Variants in PRPF18 observed in about 807,000 individuals in gnomAD.
PRPF18 encodes pre-mRNA-splicing factor 18.
A neutral mutation model predicts 46.5 loss-of-function variants in PRPF18; 38 were observed. That is an observed-to-expected ratio of 0.82 (90% CI 0.63 to 1.07). The LOEUF (loss-of-function observed/expected upper bound fraction) is 1.07, where lower values mean the gene tolerates loss of function less well. Ranked by LOEUF, PRPF18 falls within the 50% of genes least tolerant of loss-of-function variation. PRPF18 has a pLI of 0.00. For synonymous variants in PRPF18, 152 were observed against 146.7 expected (o/e 1.04, Z -0.26); for missense variants, 263 against 410.0 (o/e 0.64, Z 3.10).
At chr10:13,628,202 C>A (rs538709699) in intron 9 of PRPF18, among the ~76,000 whole-genome samples, 2 of 152,290 alleles carry the variant, frequency 1.3e-5, no homozygotes, top group South Asian at 4.2e-4. Context: ...AGATAACCTC[C>A]CTCCACACCC....
the PRPF18 span, chr10:13,653,112 A>G: frequency 6.6e-6 from 1 of 151,860 alleles, no homozygotes; most frequent in African/African-American, 2.4e-5. Context: ...GTGTGTTAGA[A>G]GCTGCTCGCA....
intron 9 of PRPF18, among the ~76,000 whole-genome samples, chr10:13,624,075 C>G (rs537493025): frequency 6.6e-6 from 1 of 152,318 alleles, no homozygotes; most frequent in Non-Finnish European, 1.5e-5. Flanking sequence ...ACTTCCACCC[C>G]CCAGGTTCAA....
chr10:13,644,575 C>A, the PRPF18 span: 1 of 152,202 alleles, frequency 6.6e-6, no homozygotes, highest in African/African-American at 2.4e-5. Flanking sequence ...TTTTGCCTCT[C>A]ATTCCTTGCA....
chr10:13,616,517 T>C lies in PRPF18; in HGVS notation c.912T>C (p.His304=). 1.2e-6 allele frequency: 2 copies of C among 1,614,148 alleles called. No individual in the cohort carries two copies. Among genetic ancestry groups the C allele is most frequent in the Non-Finnish European group, 8.5e-7 (1 of 1,180,002 alleles). The change falls in exon 9 of 10, where the codon CAT becomes CAC. Residue 304 remains histidine, a synonymous_variant. Coordinates refer to ENST00000378572, the MANE Select transcript of PRPF18 (RefSeq NM_003675.4). ...REKIFSKHVA[H]VLNDETQRKY... is the part of the protein sequence containing the mutation. The stretch of plus-strand genomic sequence containing the variant: ...AGATTTTTTCCAAGCATGTTGCACA[T>C]GTTTTAAATGACGAAACTCAGCGGA...
the PRPF18 span, chr10:13,643,164 T>A: frequency 6.6e-6 from 1 of 152,224 alleles, no homozygotes. Context: ...GGGTTTGAGC[T>A]GCAGTGTGAG....
At chr10:13,620,128 G>A (rs1297419547) in intron 9 of PRPF18, among the ~76,000 whole-genome samples, 1 of 152,140 alleles carries the variant, frequency 6.6e-6, no homozygotes, top group African/African-American at 2.4e-5. Flanking sequence ...TTTATTATGT[G>A]AAGTTTAAGT....
chr10:13,647,679 T>G, the PRPF18 span: 2 of 151,746 alleles, frequency 1.3e-5, no homozygotes, highest in Non-Finnish European at 2.9e-5. Context: ...TGTTTTGTGA[T>G]TATAAAAGTG....
At chr10:13,590,147 G>A (rs2079936627) in intron 1 of PRPF18, among the ~76,000 whole-genome samples, 1 of 151,142 alleles carries the variant, frequency 6.6e-6, no homozygotes, top group Non-Finnish European at 1.5e-5. Context: ...GATTCTTCAG[G>A]GTCATTTATA....
At chr10:13,621,286 C>A (rs1371881735) in intron 9 of PRPF18, among the ~76,000 whole-genome samples, 1 of 152,156 alleles carries the variant, frequency 6.6e-6, no homozygotes, top group Admixed American at 6.5e-5. Context: ...TGATAGGCAC[C>A]CTTGCCCTGT....
At chr10:13,626,005 A>C (rs1181571067) in intron 9 of PRPF18, among the ~76,000 whole-genome samples, 1 of 152,218 alleles carries the variant, frequency 6.6e-6, no homozygotes, top group African/African-American at 2.4e-5. Context: ...TATGAGATGG[A>C]CACTCACATT....
chr10:13,601,298 C>T (rs1488265479), intron 3 of PRPF18, among the ~76,000 whole-genome samples: 7 of 152,020 alleles, frequency 4.6e-5, no homozygotes, highest in Non-Finnish European at 8.8e-5. Flanking sequence ...AGGTATTAGC[C>T]ATGTTGTGCC....
intron 2 of PRPF18, among the ~76,000 whole-genome samples, chr10:13,599,656 T>G (rs554932209): frequency 6.6e-6 from 1 of 152,366 alleles, no homozygotes; most frequent in African/African-American, 2.4e-5. Context: ...GCTTTTTTCC[T>G]TGTGTTTCTG....
the PRPF18 span, chr10:13,645,339 G>C: frequency 2.1e-5 from 3 of 142,250 alleles, no homozygotes; most frequent in Non-Finnish European, 4.5e-5. Flanking sequence ...GAAGTCATTA[G>C]AGTGAGAAAA....
At chr10:13,597,601 A>C in intron 2 of PRPF18, 66 bp downstream of exon 2, 1 of 1,601,206 alleles carries the variant, frequency 6.2e-7, no homozygotes, top group Non-Finnish European at 8.5e-7. Context: ...GCTGTTGTTA[A>C]ATGACAATCA....
the PRPF18 span, chr10:13,637,858 G>T: frequency 1.3e-5 from 2 of 152,182 alleles, no homozygotes; most frequent in Non-Finnish European, 2.9e-5. Context: ...GTTAACTGTT[G>T]TATTGGATTA....
Position 13,587,020 on chromosome 10 carries a change from G to A in PRPF18, c.-67G>A. The A allele has an allele frequency of 1.3e-6, 2 of 1,535,568 alleles. No homozygotes were observed. The highest frequency in any genetic ancestry group is 2.2e-5 in the South Asian group (2 of 89,516). On this transcript the variant is annotated 5_prime_UTR_variant, in exon 1 of 10. Coordinates refer to ENST00000378572, the MANE Select transcript of PRPF18 (RefSeq NM_003675.4). ...CCGTATACTCAGTGGGTTCGCGGCCGCCGGCCCAGTGAGGCTGGGTTCGAG... is the reference window on the plus strand; with the variant it reads ...CCGTATACTCAGTGGGTTCGCGGCCACCGGCCCAGTGAGGCTGGGTTCGAG...
the PRPF18 span, chr10:13,652,352 AC>A: frequency 4.2e-6 from 1 of 238,350 alleles, no homozygotes. Flanking sequence ...GAGGGCTTGT[AC>A]ATTTCGGAGC....
At position 13,600,247 on chromosome 10, in the gene PRPF18, C is replaced by G; in HGVS notation, c.148C>G (p.Gln50Glu). 6.2e-7 allele frequency: 1 copy of G among 1,602,810 alleles called. No homozygotes were observed. The highest frequency in any genetic ancestry group is 8.5e-7 in the Non-Finnish European group (1 of 1,174,046). ...TTTCTTTTGGCTATTAATATAGATA[C>G]AGCCAAAAGAGGAGGACCAGAAACC... ...AYFERCGYKIQPKEEDQKPLT... is the reference protein window; with the variant it reads ...AYFERCGYKIEPKEEDQKPLT... Residue 50 changes from glutamine to glutamate, a missense_variant, in exon 3 of 10, where the codon CAG becomes GAG. Around this residue, in one of 4 missense-constraint regions of PRPF18, gnomAD observed 71 missense variants for 69.2 expected, o/e 1.03. Coordinates refer to ENST00000378572, the MANE Select transcript of PRPF18 (RefSeq NM_003675.4).
At chr10:13,632,079 C>A (rs904583308), downstream of PRPF18, 1 of 152,628 alleles carries the variant, frequency 6.6e-6, no homozygotes, top group African/African-American at 2.4e-5. Context: ...CGGTGGCTCA[C>A]GCCTGTAATC....
Sources: allele counts gnomAD v4.1 joint callset (sites outside exome capture counted in the v4.1 genomes callset), GRCh38; gene constraint gnomAD v4.1.1; regional missense constraint gnomAD v4.1.1; transcripts MANE v1.5; gene names NCBI Gene and HGNC (gene_info 2026-07-23, HGNC 2026-07-21).